LSG1: variants seen among roughly 807,000 people sequenced by gnomAD.
The protein encoded by LSG1 is large 60S subunit nuclear export GTPase 1.
Under a neutral mutation model 82.6 loss-of-function variants are expected in LSG1, and 55 were observed. That is an observed-to-expected ratio of 0.67 (90% confidence interval 0.54 to 0.83). LSG1 has a LOEUF of 0.83. Among genes scored for constraint, LSG1 ranks in the 40% least tolerant of loss-of-function variants. The pLI is 0.00. For synonymous variants in LSG1, 272 were observed against 282.5 expected, an observed-to-expected ratio of 0.96 and a Z score of 0.37; for missense variants, 809 against 807.9, an observed-to-expected ratio of 1.00 and a Z score of -0.02.
chr3:194,664,948 T>A (rs1343409617), intron 5 of LSG1, among the ~76,000 whole-genome samples: 6 of 96,790 alleles, frequency 6.2e-5, no homozygotes, highest in African/African-American at 1.2e-4. Flanking sequence ...AATAAATAAA[T>A]AAAAAACATA....
intron 7 of LSG1, among the ~76,000 whole-genome samples, chr3:194,657,458 GTTTTTTTTTT>G (rs58115258): frequency 7.2e-6 from 1 of 139,152 alleles, no homozygotes; most frequent in Non-Finnish European, 1.5e-5. Flanking sequence ...TGCTTAGTAA[GTTTTTTTTTT>G]TTTTTTTTTG....
At position 194,646,165 on chromosome 3, in the gene LSG1, C is replaced by A. The variant is rs748872675; in HGVS notation, c.1622G>T (p.Ser541Ile). The change falls in exon 12 of 14, where the codon AGT (serine) becomes ATT (isoleucine). Residue 541 changes from serine (S) to isoleucine (I), a missense_variant and splice_region_variant. Ser to Ile is a moderately radical substitution (Grantham distance 142). Transcript: ENST00000265245. ...SARYILKDYV[S>I]GKLLYCHPPP... ...GCATGAGAGGCAGGGTTCACTTACACTGACATAGTCCTTCAGGATGTAGCG... is the reference window on the plus strand; with the variant it reads ...GCATGAGAGGCAGGGTTCACTTACAATGACATAGTCCTTCAGGATGTAGCG... 2 of 1,613,754 alleles carry A rather than the reference C, an allele frequency of 1.2e-6. No individual in the cohort carries two copies. The highest frequency in any genetic ancestry group is 1.7e-6 in the Non-Finnish European group (2 of 1,179,700).
At chr3:194,659,766 T>A (rs1368468297) in intron 6 of LSG1, among the ~76,000 whole-genome samples, 1 of 152,188 alleles carries the variant, frequency 6.6e-6, no homozygotes, top group Non-Finnish European at 1.5e-5. Context: ...CTAAAATAAA[T>A]AAAATGCTAT....
At chr3:194,662,379 T>C (rs1199745885) in intron 5 of LSG1, among the ~76,000 whole-genome samples, 1 of 152,238 alleles carries the variant, frequency 6.6e-6, no homozygotes, top group Non-Finnish European at 1.5e-5. Flanking sequence ...AGCATAAGCC[T>C]ATGAAGATAC....
At chr3:194,645,519 C>G (rs867897028) in intron 12 of LSG1, 19 of 52,026 alleles carry the variant, frequency 3.7e-4, no homozygotes, top group African/African-American at 1.2e-3. Context: ...CACACACACA[C>G]ACACACACAC....
chr3:194,652,220 G>C (rs902886573), intron 8 of LSG1, among the ~76,000 whole-genome samples: 2 of 152,302 alleles, frequency 1.3e-5, no homozygotes, highest in South Asian at 2.1e-4. Flanking sequence ...AGCCACTTCT[G>C]GAATTAGGGT....
Position 194,651,018 on chromosome 3 carries a change from A to G in LSG1, c.1282T>C (p.Tyr428His), listed in dbSNP as rs142038302. Residue 428 changes from tyrosine to histidine, a missense_variant, in exon 10 of 14, where the codon TAT (tyrosine) becomes CAT (histidine). Transcript: ENST00000265245. ...CACAGGCAGAGGCCAGGCTCCACAT[A>G]GAGAGTCTGGAAGACAAGCAAGAGG... ...PGHTKHFQTLYVEPGLCLCDC... is the reference protein window; with the variant it reads ...PGHTKHFQTLHVEPGLCLCDC... 1.6e-3 allele frequency: 2,576 copies of G among 1,614,020 alleles called. 2 individuals carry two copies. The highest frequency in any genetic ancestry group is 1.9e-3 in the Non-Finnish European group (2,230 of 1,179,912).
chr3:194,642,204 C>T lies in LSG1; in HGVS notation c.1841G>A (p.Gly614Asp). Residue 614 changes from glycine (G) to aspartate (D), a missense_variant, in exon 14 of 14, where the codon GGT (glycine) becomes GAT (aspartate). Coordinates refer to ENST00000265245, the MANE Select transcript of LSG1 (RefSeq NM_018385.3). ...CACTACACCACTCCCGGGCTTGTAACCCATCACAGCCTGGACTCCTTTGGT... is the reference window on the plus strand; with the variant it reads ...CACTACACCACTCCCGGGCTTGTAATCCATCACAGCCTGGACTCCTTTGGT... ...ALTKGVQAVM[G>D]YKPGSGVVTA... 1 of 1,614,140 alleles carries T rather than the reference C, an allele frequency of 6.2e-7. No individual in the cohort carries two copies. Among genetic ancestry groups the T allele is most frequent in the Non-Finnish European group, 8.5e-7 (1 of 1,180,020 alleles).
At chr3:194,664,711 C>T (rs201174661) in intron 5 of LSG1, among the ~76,000 whole-genome samples, 3 of 149,238 alleles carry the variant, frequency 2.0e-5, no homozygotes, top group South Asian at 2.1e-4. Flanking sequence ...GTCAGGAGTT[C>T]GAGACCAGCC....
chr3:194,658,431 G>A (rs1390286776), intron 7 of LSG1, among the ~76,000 whole-genome samples: 2 of 152,176 alleles, frequency 1.3e-5, no homozygotes, highest in African/African-American at 4.8e-5. Flanking sequence ...ACAGGAGTGA[G>A]CCACGGCACC....
rs769920588 is a variant in LSG1 at position 194,652,719 on chromosome 3, G to A, written c.1173+10C>T. ...ACGTGGTAACAATGTTATGACATAT[G>A]TCATCTTACCAGTCCGACCGTAAGT... On this transcript the variant is annotated intron_variant, in intron 8 of 13. Coordinates refer to ENST00000265245, the MANE Select transcript of LSG1 (RefSeq NM_018385.3). 2.3e-5 allele frequency: 37 copies of A among 1,606,638 alleles called. No homozygotes were observed. The highest frequency in any genetic ancestry group is 3.1e-5 in the Non-Finnish European group (37 of 1,175,254).
chr3:194,646,778 C>T (rs1718564156), intron 11 of LSG1, among the ~76,000 whole-genome samples: 1 of 152,234 alleles, frequency 6.6e-6, no homozygotes, highest in Admixed American at 6.5e-5. Context: ...ACTTCGGCCT[C>T]CCAAAGTGCT....
At position 194,672,180 on chromosome 3, in the gene LSG1, A is replaced by G. The variant is rs149532863; in HGVS notation, c.-18T>C. The G allele has an allele frequency of 1.3e-4, 204 of 1,573,498 alleles. No homozygotes were observed. In the East Asian group the frequency reaches 4.5e-3, roughly 35 times the overall value. ...CGGCCCATGGCAACACGACCGCTGG[A>G]CGAAGCTTCCCGGCTCGGCGCGTGC... On this transcript the variant is annotated 5_prime_UTR_variant, in exon 1 of 14. Transcript: ENST00000265245.
chr3:194,644,347 C>G (rs572991799), intron 13 of LSG1, among the ~76,000 whole-genome samples: 1 of 136,450 alleles, frequency 7.3e-6, no homozygotes, highest in Non-Finnish European at 1.5e-5. Context: ...CCGGCCTGGG[C>G]GACAGAGCGA....
At position 194,647,082 on chromosome 3, in the gene LSG1, C is replaced by T. The variant is rs7646832; in HGVS notation, c.1544-839G>A. ...AGCTGTCGACTGGCTTTTCCAGTTT[C>T]GAAGAAAATAGTTAGAATCCTAATT... is the stretch of plus-strand genomic sequence containing the variant. On this transcript the variant is annotated intron_variant, in intron 11 of 13. Coordinates refer to ENST00000265245, the MANE Select transcript of LSG1 (RefSeq NM_018385.3). Among the ~76,000 whole-genome samples the T allele has an allele frequency of 1.5e-4, 22 of 151,326 alleles. No homozygotes were observed. In the South Asian group the frequency reaches 2.1e-3, roughly 15 times the overall value.
intron 2 of LSG1, among the ~76,000 whole-genome samples, chr3:194,667,903 A>G (rs1719060911): frequency 7.6e-6 from 1 of 131,374 alleles, no homozygotes; most frequent in Non-Finnish European, 1.6e-5. Flanking sequence ...AGCCTGGGCG[A>G]CAAGAGAGAG....
intron 5 of LSG1, among the ~76,000 whole-genome samples, chr3:194,661,235 G>T (rs557858648): frequency 6.6e-6 from 1 of 152,164 alleles, no homozygotes; most frequent in Non-Finnish European, 1.5e-5. Context: ...AAGTTCTCTA[G>T]TTCAGCTGCT....
intron 7 of LSG1, among the ~76,000 whole-genome samples, chr3:194,657,813 C>G (rs1056261498): frequency 6.6e-6 from 1 of 152,048 alleles, no homozygotes; most frequent in African/African-American, 2.4e-5. Flanking sequence ...TGGCTGACTT[C>G]GTTTCACTGA....
chr3:194,669,748 A>G (rs977834636), intron 2 of LSG1, among the ~76,000 whole-genome samples: 3 of 152,180 alleles, frequency 2.0e-5, no homozygotes, highest in African/African-American at 7.2e-5. Context: ...CCTGGCCAAC[A>G]TGGTGAAACC....
Sources: allele counts gnomAD v4.1 joint callset (sites outside exome capture counted in the v4.1 genomes callset), GRCh38; gene constraint gnomAD v4.1.1; transcripts MANE v1.5; gene names NCBI Gene and HGNC (gene_info 2026-07-23, HGNC 2026-07-21).